Variants in FCHO1 observed in about 807,000 individuals in gnomAD.
The protein encoded by FCHO1 is FCH and mu domain containing endocytic adaptor 1.
In FCHO1, 45 loss-of-function variants were observed where a neutral mutation model predicts 114.4. That is an observed-to-expected ratio of 0.39 (90% confidence interval 0.31 to 0.50). The LOEUF is 0.50. Ranked by LOEUF, FCHO1 falls within the 20% of genes least tolerant of loss-of-function variation. The pLI, the probability that FCHO1 is intolerant of heterozygous loss-of-function variation, is 0.77. For missense variants in FCHO1, 1,042 were observed against 1,209.6 expected, an observed-to-expected ratio of 0.86 and a Z score of 2.06; for synonymous variants, 480 against 488.9, an observed-to-expected ratio of 0.98 and a Z score of 0.24.
In FCHO1 at chr19:17,778,735, T is replaced by G. The variant is rs777701615; in HGVS notation, c.1478T>G (p.Val493Gly). The part of the protein sequence containing the change: ...AAPGPSPDSW[V>G]PRPGTPQSPP... Reference sequence around the variant, plus strand: ...CCTGGCCCCTCCCCAGATTCCTGGGTCCCCCGCCCAGGCACCCCGCAGAGC... The same window carrying G: ...CCTGGCCCCTCCCCAGATTCCTGGGGCCCCCGCCCAGGCACCCCGCAGAGC... Residue 493 changes from valine to glycine, a missense_variant, in exon 20 of 29, where the codon GTC (valine) becomes GGC (glycine). This residue lies in a region of FCHO1 where 455 missense variants were observed against 455.4 expected (regional missense o/e 1.00). Transcript: ENST00000596536. 8 of 1,540,278 alleles carry G rather than the reference T, an allele frequency of 5.2e-6. No homozygotes were observed. In the East Asian group the frequency reaches 1.9e-4, roughly 38 times the overall value.
At chr19:17,749,156 G>T (rs1366619050), upstream of FCHO1, among the ~76,000 whole-genome samples, 1 of 152,150 alleles carries the variant, frequency 6.6e-6, no homozygotes, top group African/African-American at 2.4e-5. Context: ...CCTGTTCTCG[G>T]GCGAGGTCCT....
At position 17,764,446 on chromosome 19, in the gene FCHO1, T is replaced by A. The variant is rs1164946249; in HGVS notation, c.191T>A (p.Met64Lys). The A allele has an allele frequency of 2.5e-6, 4 of 1,610,898 alleles. No homozygotes were observed. The highest frequency in any genetic ancestry group is 2.7e-5 in the African/African-American group (2 of 74,876). The change falls in exon 6 of 29, where the codon ATG becomes AAG. Residue 64 changes from methionine (M) to lysine (K), a missense_variant. Transcript: ENST00000596536. ...LSKLASNGTP[M>K]GTFAPLWEVF... ...AAGCTGGCCAGCAACGGGACCCCCA[T>A]GGGGTGAGTGGGGTAGGGGTCACCA...
chr19:17,760,100 G>A (rs896853972), intron 4 of FCHO1, among the ~76,000 whole-genome samples: 1 of 150,860 alleles, frequency 6.6e-6, no homozygotes, highest in African/African-American at 2.4e-5. Context: ...CACCCAGGCT[G>A]GAGTGCAATG....
intron 24 of FCHO1, 99 bp downstream of exon 24, chr19:17,783,271 C>CTT (rs1278965275): frequency 2.3e-4 from 175 of 752,568 alleles, no homozygotes; most frequent in Non-Finnish European, 2.7e-4. Flanking sequence ...TTTTTCTTTT[C>CTT]TTTTTTTTTT....
chr19:17,767,334 G>A (rs2089645944), intron 7 of FCHO1, among the ~76,000 whole-genome samples: 1 of 149,986 alleles, frequency 6.7e-6, no homozygotes, highest in Non-Finnish European at 1.5e-5. Context: ...GATGGCTGGA[G>A]CCCAGGATCC....
intron 8 of FCHO1, 23 bp from the exon 9 acceptor site, chr19:17,770,769 C>G: frequency 6.2e-7 from 1 of 1,612,778 alleles, no homozygotes; most frequent in Non-Finnish European, 8.5e-7. Context: ...CTCCCATCCC[C>G]GTTTCCTCCC....
At chr19:17,773,823 A>G (rs1217706870) in intron 11 of FCHO1, among the ~76,000 whole-genome samples, 1 of 151,206 alleles carries the variant, frequency 6.6e-6, no homozygotes, top group Admixed American at 6.6e-5. Flanking sequence ...TCCAGGTGCC[A>G]TTTTGTGGCC....
At chr19:17,777,288 G>A (rs1190933818) in intron 18 of FCHO1, among the ~76,000 whole-genome samples, 7 of 151,884 alleles carry the variant, frequency 4.6e-5, no homozygotes. Flanking sequence ...TGTAATTCCA[G>A]CACTTTGGGA....
At chr19:17,769,626 CACACACAA>C (rs2090835674) in intron 7 of FCHO1, among the ~76,000 whole-genome samples, 2 of 120,380 alleles carry the variant, frequency 1.7e-5, no homozygotes, top group East Asian at 4.1e-4. Context: ...CACACACACA[CACACACAA>C]AACGGTGAGT....
At position 17,775,999 on chromosome 19, in the gene FCHO1, C is replaced by A; in HGVS notation, c.1020C>A (p.Ser340=). 1.2e-6 allele frequency: 2 copies of A among 1,608,266 alleles called. No individual in the cohort carries two copies. The part of the protein sequence containing the change: ...DVTQNSTAEP[S]RFSSSDSDFD... ...GCAGCCCACGCACGGCCGAGCCCTC[C>A]CGTTTCTCGTCCAGCGACTCCGACT... Residue 340 remains serine, a synonymous_variant, in exon 16 of 29, where the codon TCC becomes TCA. Transcript: ENST00000596536. The surrounding 1 kb of genome is among the most constrained non-coding windows in gnomAD (Gnocchi z 5.1).
At position 17,761,653 on chromosome 19, in the gene FCHO1, T is replaced by TATAC. The variant is rs1491266072; in HGVS notation, c.28-1108_28-1107insTACA. On this transcript the variant is annotated intron_variant, in intron 4 of 28. Coordinates refer to ENST00000596536, the MANE Select transcript of FCHO1 (RefSeq NM_015122.3). The stretch of plus-strand genomic sequence containing the variant: ...ATATACATATATATATATATATATA[T>TATAC]ACACACACACTTCCCCCCCGCCCTG... 2.6e-3 allele frequency among the ~76,000 whole-genome samples: 357 copies of TATAC among 139,782 alleles called. 3 individuals are homozygous for TATAC. Among genetic ancestry groups the TATAC allele is most frequent in the Admixed American group, 6.3e-3 (87 of 13,858 alleles). The allele number at this position is 139,782 out of a possible 152,430, so 91.7% of individuals were successfully genotyped here. A position where few individuals can be genotyped will look rare whatever the true frequency, so the allele number is the denominator to read the frequency against.
intron 26 of FCHO1, among the ~76,000 whole-genome samples, chr19:17,785,994 T>C (rs1186969810): frequency 6.7e-6 from 1 of 149,788 alleles, no homozygotes; most frequent in Admixed American, 6.7e-5. Flanking sequence ...AAAAAAAGTC[T>C]GTTGTGAAGA....
At chr19:17,767,004 G>C (rs576842450) in intron 7 of FCHO1, among the ~76,000 whole-genome samples, 194 bp downstream of exon 7, 1 of 152,088 alleles carries the variant, frequency 6.6e-6, no homozygotes, top group Non-Finnish European at 1.5e-5. Flanking sequence ...TCCAGACCAG[G>C]AGTTAGCACA....
At chr19:17,759,658 C>G (rs183413919) in intron 4 of FCHO1, among the ~76,000 whole-genome samples, 26 of 151,916 alleles carry the variant, frequency 1.7e-4, no homozygotes, top group Admixed American at 8.5e-4. Context: ...TGAGGCCGGG[C>G]GTGGTGGTTC....
rs144777647 is a variant in FCHO1, at chr19:17,778,143, A to G, written c.1266A>G (p.Ala422=). 1.9e-6 allele frequency: 3 copies of G among 1,613,180 alleles called. No homozygotes were observed. In the African/African-American group the frequency reaches 4.0e-5, roughly 22 times the overall value. Residue 422 remains alanine, a synonymous_variant, in exon 19 of 29, where the codon GCA becomes GCG. Coordinates refer to ENST00000596536, the MANE Select transcript of FCHO1 (RefSeq NM_015122.3). The part of the protein sequence containing the change: ...PRSAPRTSSC[A]ERLQSEEQVS... ...TTGGCCTCACCCTCTCTAGCTGTGC[A>G]GAGAGATTGCAGTCAGAGGAGCAGG...
Position 17,764,452 on chromosome 19 carries a change from G to A in FCHO1, c.194+3G>A. The A allele has an allele frequency of 6.2e-7, 1 of 1,610,484 alleles. No individual in the cohort carries two copies. The highest frequency in any genetic ancestry group is 1.1e-5 in the South Asian group (1 of 90,590). ...GCCAGCAACGGGACCCCCATGGGGTGAGTGGGGTAGGGGTCACCAACATGG... is the reference window on the plus strand; with the variant it reads ...GCCAGCAACGGGACCCCCATGGGGTAAGTGGGGTAGGGGTCACCAACATGG... On this transcript the variant is annotated splice_donor_region_variant and intron_variant, in intron 6 of 28. Transcript: ENST00000596536.
chr19:17,758,128 T>C (rs985870654), intron 4 of FCHO1, among the ~76,000 whole-genome samples: 66 of 151,082 alleles, frequency 4.4e-4, no homozygotes, highest in African/African-American at 1.4e-3. Flanking sequence ...GGCAGGAGAA[T>C]GGCGTGAACC....
In FCHO1 at chr19:17,776,566, T is replaced by C. The variant is rs2092659822; in HGVS notation, c.1208-69T>C. On this transcript the variant is annotated intron_variant, in intron 17 of 28. Coordinates refer to ENST00000596536, the MANE Select transcript of FCHO1 (RefSeq NM_015122.3). This position sits in a 1 kb window ranked among gnomAD's most constrained non-coding sequence, Gnocchi z 4.4. ...CTGGACACCCCCGAGCCTCGGTCCCTTGGTCTGTGGAGTGGGGAGCATTGC... is the reference window on the plus strand; with the variant it reads ...CTGGACACCCCCGAGCCTCGGTCCCCTGGTCTGTGGAGTGGGGAGCATTGC... 1.3e-6 allele frequency: 2 copies of C among 1,571,676 alleles called. No individual in the cohort carries two copies. The highest frequency in any genetic ancestry group is 1.8e-6 in the Non-Finnish European group (2 of 1,142,114).
At chr19:17,773,888 T>C (rs2092171564) in intron 11 of FCHO1, among the ~76,000 whole-genome samples, 1 of 83,642 alleles carries the variant, frequency 1.2e-5, no homozygotes. Flanking sequence ...TTAGTTTCTT[T>C]CTCTCTCTCT....
Sources: allele counts gnomAD v4.1 joint callset (sites outside exome capture counted in the v4.1 genomes callset), GRCh38; gene constraint gnomAD v4.1.1; regional missense constraint gnomAD v4.1.1; non-coding constraint Gnocchi (gnomAD v3.1); transcripts MANE v1.5; gene names NCBI Gene and HGNC (gene_info 2026-07-23, HGNC 2026-07-21).